Variants in MLLT3 observed in about 807,000 individuals in gnomAD.
The protein encoded by MLLT3 is protein AF-9.
In MLLT3, 4 loss-of-function variants were observed where a neutral mutation model predicts 53.2. The ratio of observed to expected loss-of-function variants is 0.08; its 90% CI spans 0.04 to 0.17. The LOEUF is 0.17. MLLT3 is among the 10% of genes least tolerant of loss of function. The pLI is 1.00. For missense variants in MLLT3, 569 were observed against 684.0 expected, an observed-to-expected ratio of 0.83 and a Z score of 1.87; for synonymous variants, 283 against 230.6, an observed-to-expected ratio of 1.23 and a Z score of -2.06.
At chr9:20,455,621 C>T (rs926618147) in intron 3 of MLLT3, among the ~76,000 whole-genome samples, 4 of 151,832 alleles carry the variant, frequency 2.6e-5, no homozygotes, top group Admixed American at 6.6e-5. Flanking sequence ...ATTCTATTTG[C>T]GTAGTTCCTT....
At chr9:20,497,918 T>A (rs532855549) in intron 2 of MLLT3, among the ~76,000 whole-genome samples, 2 of 152,190 alleles carry the variant, frequency 1.3e-5, no homozygotes, top group South Asian at 4.1e-4. Flanking sequence ...TAAGTGTCCA[T>A]CAGCTAGGTA....
chr9:20,501,792 C>T (rs1457142553), intron 2 of MLLT3, among the ~76,000 whole-genome samples: 1 of 147,362 alleles, frequency 6.8e-6, no homozygotes, highest in Non-Finnish European at 1.5e-5. Flanking sequence ...AAAAACCGCA[C>T]CCAAGAGGTC....
At chr9:20,559,909 A>G (rs562123933) in intron 2 of MLLT3, among the ~76,000 whole-genome samples, 1 of 152,216 alleles carries the variant, frequency 6.6e-6, no homozygotes. Flanking sequence ...CTATGTTCTT[A>G]ACCCTACGTA....
intron 2 of MLLT3, among the ~76,000 whole-genome samples, chr9:20,550,737 T>C (rs1563813326): frequency 6.6e-6 from 1 of 152,112 alleles, no homozygotes; most frequent in Non-Finnish European, 1.5e-5. Context: ...GTTTAATATG[T>C]TACAAAGTCT....
intron 2 of MLLT3, among the ~76,000 whole-genome samples, chr9:20,555,513 C>T (rs1405759171): frequency 2.0e-5 from 3 of 152,224 alleles, no homozygotes. Flanking sequence ...TACTCTACTA[C>T]ATTCTACACT....
chr9:20,599,861 T>C (rs141451314), intron 2 of MLLT3, among the ~76,000 whole-genome samples: 1 of 152,198 alleles, frequency 6.6e-6, no homozygotes, highest in Non-Finnish European at 1.5e-5. Flanking sequence ...CAGTCTTGGA[T>C]GCCACGTCTG....
chr9:20,583,968 T>C (rs1261229771), intron 2 of MLLT3, among the ~76,000 whole-genome samples: 1 of 152,214 alleles, frequency 6.6e-6, no homozygotes, highest in African/African-American at 2.4e-5. Flanking sequence ...GGTTTTCTTT[T>C]CTATCACATT....
intron 2 of MLLT3, among the ~76,000 whole-genome samples, chr9:20,534,684 A>C (rs2119001334): frequency 6.6e-6 from 1 of 152,300 alleles, no homozygotes; most frequent in African/African-American, 2.4e-5. Context: ...CAGGAGATCG[A>C]GACCATCCCG....
At chr9:20,563,924 A>T (rs1215075289) in intron 2 of MLLT3, among the ~76,000 whole-genome samples, 1 of 152,208 alleles carries the variant, frequency 6.6e-6, no homozygotes, top group Non-Finnish European at 1.5e-5. Flanking sequence ...GATGACTTTT[A>T]AAAATAAATA....
chr9:20,575,614 A>G (rs1167092053), intron 2 of MLLT3, among the ~76,000 whole-genome samples: 1 of 152,112 alleles, frequency 6.6e-6, no homozygotes, highest in Admixed American at 6.6e-5. Context: ...GTGTATCTCC[A>G]TCGAGCTCTT....
At chr9:20,363,656 T>C in intron 6 of MLLT3, 51 bp from the exon 7 acceptor site, 2 of 1,578,596 alleles carry the variant, frequency 1.3e-6, no homozygotes, top group Non-Finnish European at 1.7e-6. Context: ...TCAAACACAC[T>C]TAGCCATATT....
chr9:20,423,824 G>GT (rs1217016806), intron 4 of MLLT3, among the ~76,000 whole-genome samples: 1 of 151,812 alleles, frequency 6.6e-6, no homozygotes, highest in Non-Finnish European at 1.5e-5. Flanking sequence ...GAGTGTGGTG[G>GT]TGGTGCATGC....
chr9:20,504,062 G>A (rs952550293), intron 2 of MLLT3, among the ~76,000 whole-genome samples: 1 of 152,102 alleles, frequency 6.6e-6, no homozygotes, highest in Non-Finnish European at 1.5e-5. Flanking sequence ...ATTTTTGCAA[G>A]GATATAGAGA....
At chr9:20,428,355 T>G (rs1232020029) in intron 4 of MLLT3, among the ~76,000 whole-genome samples, 1 of 152,020 alleles carries the variant, frequency 6.6e-6, no homozygotes, top group African/African-American at 2.4e-5. Context: ...TAAGGAAAAC[T>G]AGTTTAAGAA....
intron 2 of MLLT3, among the ~76,000 whole-genome samples, chr9:20,550,653 C>T (rs1172131698): frequency 6.6e-6 from 1 of 152,100 alleles, no homozygotes; most frequent in African/African-American, 2.4e-5. Context: ...CTTCCTCGGC[C>T]TCTTTAAAAT....
rs944463654 is a variant in MLLT3, at chr9:20,341,799, T to C, written c.*4644A>G. ...TTGTAAGATCGACTCTCTCTGGCTA[T>C]AGCACATTGTTTCTGAACAAAACCC... is the stretch of plus-strand genomic sequence containing the variant. On this transcript the variant is annotated 3_prime_UTR_variant, in exon 11 of 11. Transcript: ENST00000380338. 6 of 200,890 alleles carry C rather than the reference T, an allele frequency of 3.0e-5. No homozygotes were observed. The highest frequency in any genetic ancestry group is 6.9e-5 in the African/African-American group (3 of 43,424). 12.4% of individuals were successfully genotyped at this position (200,890 alleles called of 1,614,324 possible).
chr9:20,589,813 T>G (rs979121965), intron 2 of MLLT3, among the ~76,000 whole-genome samples: 1 of 151,568 alleles, frequency 6.6e-6, no homozygotes, highest in African/African-American at 2.4e-5. Context: ...TGAGTTCCAG[T>G]GATTCTTCTG....
At chr9:20,587,044 T>C (rs780240030) in intron 2 of MLLT3, among the ~76,000 whole-genome samples, 26 of 152,116 alleles carry the variant, frequency 1.7e-4, no homozygotes, top group Non-Finnish European at 2.9e-4. Flanking sequence ...AGCCAATTAT[T>C]TGATAAAACC....
At chr9:20,506,269 G>A (rs1182953849) in intron 2 of MLLT3, among the ~76,000 whole-genome samples, 2 of 152,082 alleles carry the variant, frequency 1.3e-5, no homozygotes, top group Non-Finnish European at 2.9e-5. Flanking sequence ...TTGAACTTCT[G>A]AGCTCAGGAG....
Sources: allele counts gnomAD v4.1 joint callset (sites outside exome capture counted in the v4.1 genomes callset), GRCh38; gene constraint gnomAD v4.1.1; transcripts MANE v1.5; gene names NCBI Gene and HGNC (gene_info 2026-07-23, HGNC 2026-07-21).